The following KIAA1328 variants were observed in gnomAD, a reference collection of about 807,000 sequenced individuals.
KIAA1328 encodes the protein protein hinderin.
Under a neutral mutation model 68.1 loss-of-function variants are expected in KIAA1328, and 52 were observed. The observed-to-expected ratio is 0.76, with a 90% CI of 0.61 to 0.96. The LOEUF (loss-of-function observed/expected upper bound fraction) is 0.96. Among genes scored for constraint, KIAA1328 ranks in the 40% least tolerant of loss-of-function variants. The pLI is 0.00. For missense variants in KIAA1328, 641 were observed against 677.6 expected (o/e 0.95, Z 0.60); for synonymous variants, 232 against 239.4 (o/e 0.97, Z 0.28).
At chr18:37,135,103 G>T (rs184941676) in intron 7 of KIAA1328, among the ~76,000 whole-genome samples, 1 of 152,092 alleles carries the variant, frequency 6.6e-6, no homozygotes, top group South Asian at 2.1e-4. Context: ...GTATACCACT[G>T]ATGGGCACCT....
intron 6 of KIAA1328, among the ~76,000 whole-genome samples, chr18:37,057,059 CT>C (rs1465289137): frequency 6.6e-5 from 10 of 152,152 alleles, no homozygotes; most frequent in Non-Finnish European, 1.5e-4. Flanking sequence ...GTATATCCCC[CT>C]ACATGCTTTT....
chr18:37,023,505 T>C (rs2054430412), intron 6 of KIAA1328, among the ~76,000 whole-genome samples: 1 of 152,214 alleles, frequency 6.6e-6, no homozygotes, highest in Admixed American at 6.5e-5. Context: ...GAATCTATTT[T>C]GGAGTTTTAG....
At chr18:37,105,691 C>A (rs914381442) in intron 7 of KIAA1328, among the ~76,000 whole-genome samples, 1 of 151,036 alleles carries the variant, frequency 6.6e-6, no homozygotes, top group African/African-American at 2.4e-5. Flanking sequence ...TTTTGGAGGC[C>A]AAGTTGGGCA....
intron 7 of KIAA1328, among the ~76,000 whole-genome samples, chr18:37,086,444 T>C (rs2057106655): frequency 6.6e-6 from 1 of 152,126 alleles, no homozygotes; most frequent in Non-Finnish European, 1.5e-5. Flanking sequence ...TCTCTAGGCA[T>C]TTTGTCTAGT....
At chr18:37,121,761 A>G (rs2058277883) in intron 7 of KIAA1328, among the ~76,000 whole-genome samples, 2 of 152,170 alleles carry the variant, frequency 1.3e-5, no homozygotes. Context: ...ACATGTTGAA[A>G]ATAAAATGAA....
At chr18:37,021,415 A>G (rs544180903) in intron 6 of KIAA1328, among the ~76,000 whole-genome samples, 167 of 152,340 alleles carry the variant, frequency 1.1e-3, no homozygotes, top group South Asian at 4.6e-3. Flanking sequence ...GTGGCAATGA[A>G]ACTAGTTTCA....
In KIAA1328 at chr18:36,994,910, T is replaced by C. The variant is rs773602902; in HGVS notation, c.576+35475T>C. ...GTGAATTAGGTTTCTGATTTGTTCA[T>C]GCTAAATCAGTTACCAATTCATTCA... On this transcript the variant is annotated intron_variant, in intron 6 of 9. Coordinates refer to ENST00000280020, the MANE Select transcript of KIAA1328 (RefSeq NM_020776.3). 1.5e-4 allele frequency among the ~76,000 whole-genome samples: 23 copies of C among 151,124 alleles called. 1 individual carries two copies. Among genetic ancestry groups the C allele is most frequent in the Admixed American group, 1.3e-3 (19 of 15,020 alleles).
chr18:37,048,877 T>C (rs2055580479), intron 6 of KIAA1328, among the ~76,000 whole-genome samples: 1 of 152,230 alleles, frequency 6.6e-6, no homozygotes, highest in African/African-American at 2.4e-5. Flanking sequence ...TAGCTGTTGC[T>C]GCTCCTGCTT....
intron 5 of KIAA1328, among the ~76,000 whole-genome samples, chr18:36,936,985 A>C (rs778292603): frequency 1.3e-5 from 2 of 152,334 alleles, no homozygotes; most frequent in African/African-American, 4.8e-5. Flanking sequence ...TAACCAAAAC[A>C]GTGTGATACT....
chr18:36,870,941 C>T (rs2047923383), intron 4 of KIAA1328, among the ~76,000 whole-genome samples: 1 of 152,206 alleles, frequency 6.6e-6, no homozygotes, highest in African/African-American at 2.4e-5. Flanking sequence ...CCACTCTTAC[C>T]TGCCCACATT....
intron 4 of KIAA1328, 97 bp downstream of exon 4, chr18:36,844,399 T>C: frequency 1.5e-6 from 1 of 680,780 alleles, no homozygotes; most frequent in Middle Eastern, 2.7e-4. Flanking sequence ...TTAATATCTT[T>C]GATCTTATGG....
At chr18:36,929,955 A>T (rs981747476) in intron 5 of KIAA1328, among the ~76,000 whole-genome samples, 1 of 152,130 alleles carries the variant, frequency 6.6e-6, no homozygotes, top group Non-Finnish European at 1.5e-5. Flanking sequence ...TAGTAGTTTC[A>T]GCCTTTGCTT....
At chr18:37,230,594 G>A (rs1422804705), downstream of KIAA1328, 1 of 152,086 alleles carries the variant, frequency 6.6e-6, no homozygotes, top group African/African-American at 2.4e-5. Context: ...CACGTTATAG[G>A]CTCCCAAACA....
In KIAA1328 at chr18:37,222,688, C is replaced by G; in HGVS notation, c.*461C>G. On this transcript the variant is annotated 3_prime_UTR_variant, in exon 10 of 10. Transcript: ENST00000280020. ...GGCAGACTCTCTCATCTTTCTCATC[C>G]TGTTCTCTCACTACTACATTTCTGT... The G allele has an allele frequency of 2.0e-6, 2 of 1,010,234 alleles. No individual in the cohort carries two copies. The highest frequency in any genetic ancestry group is 2.4e-6 in the Non-Finnish European group (2 of 845,530). The allele number at this position is 1,010,234 out of a possible 1,614,324, so 62.6% of individuals were successfully genotyped here. A position where few individuals can be genotyped will look rare whatever the true frequency, so the allele number is the denominator to read the frequency against.
At chr18:37,011,479 T>C (rs892610178) in intron 6 of KIAA1328, among the ~76,000 whole-genome samples, 1 of 152,174 alleles carries the variant, frequency 6.6e-6, no homozygotes, top group Admixed American at 6.6e-5. Flanking sequence ...ACTTCACTGC[T>C]CTCATCCTAA....
chr18:36,893,433 ATTTGTGTG>A, intron 5 of KIAA1328, among the ~76,000 whole-genome samples: 1 of 132,756 alleles, frequency 7.5e-6, no homozygotes, highest in South Asian at 2.5e-4. Flanking sequence ...CCACCTGGCT[ATTTGTGTG>A]TGTGTGTGTG....
chr18:36,874,358 CT>C lies in KIAA1328; in HGVS notation c.333-11193del, dbSNP rs373948708. ...ATCCTCTCCAGCATCTGTTTCCTGA[CT>C]TTTTTGTGATCGCCATTCTAACTGG... On this transcript the variant is annotated intron_variant, in intron 4 of 9. Coordinates refer to ENST00000280020, the MANE Select transcript of KIAA1328 (RefSeq NM_020776.3). Among the ~76,000 whole-genome samples, 892 of 152,232 alleles carry C rather than the reference CT, an allele frequency of 5.9e-3. 11 individuals are homozygous for C. The highest frequency in any genetic ancestry group is 0.02 in the African/African-American group (828 of 41,552).
chr18:36,965,695 A>C (rs1442555162), intron 6 of KIAA1328, among the ~76,000 whole-genome samples: 1 of 150,832 alleles, frequency 6.6e-6, no homozygotes, highest in Non-Finnish European at 1.5e-5. Flanking sequence ...TATAGTACTT[A>C]GGGACACACA....
intron 3 of KIAA1328, among the ~76,000 whole-genome samples, chr18:36,841,427 C>T (rs1413461688): frequency 6.6e-6 from 1 of 151,256 alleles, no homozygotes; most frequent in Middle Eastern, 3.2e-3. Flanking sequence ...TGGCCCAACA[C>T]CATCTACTGG....
Sources: gnomAD v4.1 joint callset for allele counts (sites outside exome capture counted in the v4.1 genomes callset) on GRCh38, gnomAD v4.1.1 for gene constraint, MANE v1.5 for transcripts, NCBI Gene and HGNC (gene_info 2026-07-23, HGNC 2026-07-21) for gene names.